The following ZCWPW2 variants were observed in gnomAD, a reference collection of about 807,000 sequenced individuals.
ZCWPW2 encodes zinc finger CW-type PWWP domain protein 2.
A neutral mutation model predicts 46.6 loss-of-function variants in ZCWPW2; 45 were observed. That is an observed-to-expected ratio of 0.96 (90% CI 0.76 to 1.24). The LOEUF is 1.24. Ranked by LOEUF, ZCWPW2 falls within the 50% of genes most tolerant of loss-of-function variation. The pLI is 0.00. For synonymous variants in ZCWPW2, 152 were observed against 137.1 expected, an observed-to-expected ratio of 1.11 and a Z score of -0.76; for missense variants, 429 against 403.9, an observed-to-expected ratio of 1.06 and a Z score of -0.53.
intron 4 of ZCWPW2, among the ~76,000 whole-genome samples, chr3:28,469,193 G>A (rs1207215664): frequency 6.6e-6 from 1 of 151,776 alleles, no homozygotes; most frequent in East Asian, 1.9e-4. Flanking sequence ...CAAGCCTCAT[G>A]GTAATCACAA....
chr3:28,483,199 T>C (rs1202535781), intron 5 of ZCWPW2, among the ~76,000 whole-genome samples: 3 of 152,192 alleles, frequency 2.0e-5, no homozygotes, highest in African/African-American at 7.2e-5. Context: ...TTACTTTTTG[T>C]GTGTGTGGAT....
chr3:28,474,985 C>T lies in ZCWPW2; in HGVS notation c.493-3829C>T, dbSNP rs371623675. The stretch of plus-strand genomic sequence containing the variant: ...CTGGGACTACAGGCACATGCTACCA[C>T]GCCCGGCTAACTTTTTATTATTATT... On this transcript the variant is annotated intron_variant, in intron 4 of 9. Transcript: ENST00000383768. 3.3e-5 allele frequency among the ~76,000 whole-genome samples: 5 copies of T among 151,580 alleles called. No homozygotes were observed. The East Asian group carries it at 7.8e-4, about 24-fold the overall frequency.
chr3:28,472,242 A>G (rs2125798084), intron 4 of ZCWPW2, among the ~76,000 whole-genome samples: 1 of 152,308 alleles, frequency 6.6e-6, no homozygotes, highest in South Asian at 2.1e-4. Flanking sequence ...ATTTATATGT[A>G]ACCACAAAAG....
chr3:28,520,892 A>T (rs1347789574), intron 8 of ZCWPW2, 100 bp from the exon 9 acceptor site: 11 of 1,378,470 alleles, frequency 8.0e-6, no homozygotes, highest in Non-Finnish European at 1.0e-5. Context: ...TTTACCTTGT[A>T]GCATTTAAAA....
At chr3:28,476,811 A>T (rs1008421314) in intron 4 of ZCWPW2, among the ~76,000 whole-genome samples, 48 of 152,176 alleles carry the variant, frequency 3.2e-4, no homozygotes, top group Non-Finnish European at 4.4e-5. Flanking sequence ...ACAGTGACAG[A>T]TCATCAGGCA....
chr3:28,461,923 A>G (rs1698652876), intron 4 of ZCWPW2, among the ~76,000 whole-genome samples: 1 of 152,226 alleles, frequency 6.6e-6, no homozygotes. Context: ...ATTCAAAGCC[A>G]CATAGCTAGG....
intron 4 of ZCWPW2, among the ~76,000 whole-genome samples, chr3:28,442,588 G>A (rs1697809143): frequency 6.6e-6 from 1 of 152,300 alleles, no homozygotes; most frequent in African/African-American, 2.4e-5. Flanking sequence ...GCCAGCTGAA[G>A]GCAAATTGCT....
intron 3 of ZCWPW2, among the ~76,000 whole-genome samples, chr3:28,422,667 G>A (rs188143345): frequency 5.3e-5 from 8 of 152,226 alleles, no homozygotes; most frequent in African/African-American, 1.9e-4. Context: ...TATGAATAAA[G>A]CTTCTATACA....
At chr3:28,364,991 G>A (rs1392449861) in intron 1 of ZCWPW2, among the ~76,000 whole-genome samples, 4 of 152,108 alleles carry the variant, frequency 2.6e-5, no homozygotes, top group Non-Finnish European at 5.9e-5. Context: ...TTTTGATGGG[G>A]TTGTTTGGTT....
Position 28,478,879 on chromosome 3 carries a change from T to C in ZCWPW2, c.558T>C (p.Tyr186=), listed in dbSNP as rs1020773773. The C allele has an allele frequency of 5.7e-6, 9 of 1,589,838 alleles. No homozygotes were observed. In the African/African-American group the frequency reaches 8.2e-5, roughly 14 times the overall value. ...CACTACAAGAAGCATGTCTACTCTA[T>C]GGATATTCTCATGAGCAAAGACTGG... ...KSALQEACLL[Y]GYSHEQRLEM... Residue 186 remains tyrosine, a synonymous_variant, in exon 5 of 10, where the codon TAT becomes TAC. Transcript: ENST00000383768.
At chr3:28,424,796 G>A (rs1397596717) in intron 3 of ZCWPW2, among the ~76,000 whole-genome samples, 1 of 152,136 alleles carries the variant, frequency 6.6e-6, no homozygotes, top group African/African-American at 2.4e-5. Context: ...TGATAATGTT[G>A]TTTAAAAATT....
intron 4 of ZCWPW2, among the ~76,000 whole-genome samples, chr3:28,451,457 G>T (rs1416362679): frequency 6.6e-6 from 1 of 152,074 alleles, no homozygotes; most frequent in Non-Finnish European, 1.5e-5. Flanking sequence ...ATTTATTTTT[G>T]AATGTTTTCT....
intron 5 of ZCWPW2, among the ~76,000 whole-genome samples, chr3:28,481,026 C>T (rs139663548): frequency 5.9e-4 from 90 of 151,880 alleles, no homozygotes; most frequent in African/African-American, 2.1e-3. Flanking sequence ...CCACCATACC[C>T]GGATAATTTT....
rs1277832961 is a variant in ZCWPW2 at position 28,435,366 on chromosome 3, AGATT to A, written c.492+101_492+104del. ...CATAAAATATGTATAAGTTGCTTTTAGATTGATATAATGTATGCTGTTTATTTAA... is the reference window on the plus strand; with the variant it reads ...CATAAAATATGTATAAGTTGCTTTTAGATATAATGTATGCTGTTTATTTAA... On this transcript the variant is annotated intron_variant, in intron 4 of 9. Coordinates refer to ENST00000383768, the MANE Select transcript of ZCWPW2 (RefSeq NM_001040432.4). 5.8e-6 allele frequency: 7 copies of A among 1,203,068 alleles called. No homozygotes were observed. The African/African-American group carries it at 6.2e-5, about 11-fold the overall frequency. 74.5% of individuals were successfully genotyped at this position (1,203,068 alleles called of 1,614,324 possible). A position where few individuals can be genotyped will look rare whatever the true frequency, so the allele number is the denominator to read the frequency against.
At chr3:28,508,805 G>A (rs1303481029) in intron 6 of ZCWPW2, among the ~76,000 whole-genome samples, 3 of 152,164 alleles carry the variant, frequency 2.0e-5, no homozygotes, top group Non-Finnish European at 4.4e-5. Context: ...TGGGATTACA[G>A]GCGTGAGCCA....
intron 4 of ZCWPW2, among the ~76,000 whole-genome samples, chr3:28,466,214 G>T (rs1472670947): frequency 6.6e-6 from 1 of 152,100 alleles, no homozygotes; most frequent in Non-Finnish European, 1.5e-5. Context: ...AATGAAGATA[G>T]AAAAACTACC....
chr3:28,520,309 A>G (rs541831155), intron 8 of ZCWPW2, among the ~76,000 whole-genome samples: 45 of 152,254 alleles, frequency 3.0e-4, no homozygotes, highest in African/African-American at 1.0e-3. Context: ...ACACAAAAAG[A>G]CTTTTATAAA....
intron 8 of ZCWPW2, among the ~76,000 whole-genome samples, chr3:28,518,315 T>A (rs534682175): frequency 6.6e-6 from 1 of 152,048 alleles, no homozygotes; most frequent in East Asian, 1.9e-4. Context: ...TAATCAGTGT[T>A]GACAGAAGAT....
chr3:28,460,469 A>C (rs1461420326), intron 4 of ZCWPW2, among the ~76,000 whole-genome samples: 1 of 152,192 alleles, frequency 6.6e-6, no homozygotes, highest in Non-Finnish European at 1.5e-5. Context: ...AGCTGTCTAA[A>C]TAAACCATAT....
Sources: allele counts gnomAD v4.1 joint callset (sites outside exome capture counted in the v4.1 genomes callset), GRCh38; gene constraint gnomAD v4.1.1; transcripts MANE v1.5; gene names NCBI Gene and HGNC (gene_info 2026-07-23, HGNC 2026-07-21).